The following CDH18 variants were observed in gnomAD, a reference collection of about 807,000 sequenced individuals.
CDH18 encodes the protein cadherin 18, also known as cadherin-18.
In CDH18, 31 loss-of-function variants were observed where a neutral mutation model predicts 67.9. That is an observed-to-expected ratio of 0.46 (90% CI 0.34 to 0.62). CDH18 has a LOEUF of 0.62. CDH18 is among the 20% of genes least tolerant of loss of function. CDH18 has a pLI of 0.01. For missense variants in CDH18, 890 were observed against 975.5 expected (o/e 0.91, Z 1.17); for synonymous variants, 362 against 347.2 (o/e 1.04, Z -0.48).
intron 5 of CDH18, among the ~76,000 whole-genome samples, chr5:19,655,310 T>G (rs895126225): frequency 3.4e-4 from 52 of 152,240 alleles, no homozygotes; most frequent in African/African-American, 1.1e-3. Context: ...GAATTGCATT[T>G]GAAATCATCT....
At chr5:20,062,174 A>ATTATTC (rs1742558757) in intron 2 of CDH18, among the ~76,000 whole-genome samples, 2 of 147,402 alleles carry the variant, frequency 1.4e-5, no homozygotes, top group African/African-American at 2.5e-5. Flanking sequence ...TATTATTATT[A>ATTATTC]TTGAGACAGT....
At chr5:19,798,862 G>T (rs1777127276) in intron 3 of CDH18, among the ~76,000 whole-genome samples, 1 of 151,808 alleles carries the variant, frequency 6.6e-6, no homozygotes, top group Non-Finnish European at 1.5e-5. Flanking sequence ...GAAATTGGGT[G>T]GAATATTTCA....
At chr5:20,171,602 A>G (rs770001066) in intron 2 of CDH18, among the ~76,000 whole-genome samples, 56 of 151,986 alleles carry the variant, frequency 3.7e-4, no homozygotes, top group African/African-American at 1.3e-3. Flanking sequence ...AGTCTCTTAC[A>G]GATGCTGGAT....
chr5:19,952,716 A>G (rs1195666764), intron 2 of CDH18, among the ~76,000 whole-genome samples: 1 of 152,196 alleles, frequency 6.6e-6, no homozygotes, highest in Non-Finnish European at 1.5e-5. Context: ...TGGCCACTAT[A>G]TAACACAGCT....
At chr5:19,801,358 G>T (rs986289952) in intron 3 of CDH18, among the ~76,000 whole-genome samples, 1 of 152,096 alleles carries the variant, frequency 6.6e-6, no homozygotes, top group African/African-American at 2.4e-5. Flanking sequence ...GTCTAACACT[G>T]TCAAAGGTCT....
At chr5:20,080,259 C>G (rs1301999519) in intron 2 of CDH18, among the ~76,000 whole-genome samples, 1 of 152,022 alleles carries the variant, frequency 6.6e-6, no homozygotes, top group East Asian at 1.9e-4. Context: ...ATTACATTGG[C>G]CTTCCTTGAA....
chr5:20,320,206 A>T (rs1458314230), intron 1 of CDH18, among the ~76,000 whole-genome samples: 1 of 137,358 alleles, frequency 7.3e-6, no homozygotes, highest in Non-Finnish European at 1.5e-5. Context: ...TTGAGATATT[A>T]TATTTATATT....
At chr5:20,113,398 AT>A (rs1463810180) in intron 2 of CDH18, among the ~76,000 whole-genome samples, 1 of 152,200 alleles carries the variant, frequency 6.6e-6, no homozygotes, top group Admixed American at 6.5e-5. Context: ...TAGTTAAAGC[AT>A]TTTATATTCA....
chr5:20,305,692 A>AGCGAGGCG (rs1736376539), intron 1 of CDH18: 1 of 435,538 alleles, frequency 2.3e-6, no homozygotes, highest in South Asian at 2.4e-5. Context: ...TGTGTTCGGC[A>AGCGAGGCG]GCGAGGCGGC....
At chr5:20,462,047 A>T (rs527428411) in intron 1 of CDH18, among the ~76,000 whole-genome samples, 2 of 152,360 alleles carry the variant, frequency 1.3e-5, no homozygotes, top group African/African-American at 4.8e-5. Flanking sequence ...AAATTAGCCT[A>T]TCAAAGGGAT....
At chr5:19,798,571 T>C (rs72740826) in intron 3 of CDH18, among the ~76,000 whole-genome samples, 9,424 of 151,932 alleles carry the variant, frequency 0.062, 336 homozygotes, top group Non-Finnish European at 0.081. Context: ...ATGCTTTTTT[T>C]CCCTCATATT....
intron 5 of CDH18, among the ~76,000 whole-genome samples, chr5:19,718,044 T>A (rs546619461): frequency 6.6e-6 from 1 of 151,986 alleles, no homozygotes; most frequent in South Asian, 2.1e-4. Context: ...GTAAAAAAAT[T>A]CAGATATTAT....
At chr5:20,110,849 C>T (rs6870068) in intron 2 of CDH18, among the ~76,000 whole-genome samples, 6,207 of 152,084 alleles carry the variant, frequency 0.041, 439 homozygotes, top group African/African-American at 0.14. Flanking sequence ...TTTCACTAAT[C>T]GAATTTATTT....
At chr5:20,255,895 T>C (rs1744198143) in intron 1 of CDH18, among the ~76,000 whole-genome samples, 1 of 135,300 alleles carries the variant, frequency 7.4e-6, no homozygotes, top group African/African-American at 2.5e-5. Flanking sequence ...TTTTATATAA[T>C]ATTAAATGTT....
chr5:20,553,321 T>G (rs1252732673), intron 1 of CDH18, among the ~76,000 whole-genome samples: 1 of 152,140 alleles, frequency 6.6e-6, no homozygotes, highest in East Asian at 1.9e-4. Context: ...ACATCATAAT[T>G]GTTGGTTATA....
intron 8 of CDH18, among the ~76,000 whole-genome samples, chr5:19,561,553 T>A (rs1739454172): frequency 6.6e-6 from 1 of 152,092 alleles, no homozygotes; most frequent in South Asian, 2.1e-4. Context: ...TTGGGTTCAG[T>A]GTATACTGAT....
intron 10 of CDH18, among the ~76,000 whole-genome samples, chr5:19,505,813 C>A (rs1455433544): frequency 1.3e-5 from 2 of 152,084 alleles, no homozygotes; most frequent in African/African-American, 2.4e-5. Context: ...GCTTTGGTAT[C>A]AGGATGATGC....
chr5:20,503,441 C>T (rs1754460675), intron 1 of CDH18, among the ~76,000 whole-genome samples: 1 of 152,074 alleles, frequency 6.6e-6, no homozygotes, highest in Non-Finnish European at 1.5e-5. Flanking sequence ...GAATTAATCC[C>T]TATGAGTTAT....
chr5:19,541,923 C>A (rs568508239), intron 9 of CDH18, among the ~76,000 whole-genome samples: 1 of 151,970 alleles, frequency 6.6e-6, no homozygotes, highest in East Asian at 1.9e-4. Flanking sequence ...ATTATTTAAC[C>A]GCCATTTAAT....
Sources: gnomAD v4.1 joint callset for allele counts (sites outside exome capture counted in the v4.1 genomes callset) on GRCh38, gnomAD v4.1.1 for gene constraint, MANE v1.5 for transcripts, NCBI Gene and HGNC (gene_info 2026-07-23, HGNC 2026-07-21) for gene names.